ANKRD44: variants seen among roughly 807,000 people sequenced by gnomAD.
ANKRD44 encodes ankyrin repeat domain 44.
ANKRD44 carries 35 observed loss-of-function variants against 116.0 expected under a neutral mutation model. The ratio of observed to expected loss-of-function variants is 0.30; its 90% CI spans 0.23 to 0.40. ANKRD44 has a LOEUF of 0.40. Ranked by LOEUF, ANKRD44 falls within the 10% of genes least tolerant of loss-of-function variation. The pLI is 1.00. For missense variants in ANKRD44, 1,014 were observed against 1,242.6 expected (o/e 0.82, Z 2.77); for synonymous variants, 435 against 461.8 (o/e 0.94, Z 0.74).
At chr2:197,025,325 G>A (rs2076571061) in intron 16 of ANKRD44, 58 bp from the exon 17 acceptor site, 2 of 1,430,392 alleles carry the variant, frequency 1.4e-6, no homozygotes, top group Non-Finnish European at 9.8e-7. Flanking sequence ...AAATGTTGGT[G>A]TAAATGAGAA....
At chr2:197,118,615 A>AAGAGAGAGAGAGAG (rs57255941) in intron 8 of ANKRD44, among the ~76,000 whole-genome samples, 4 of 76,398 alleles carry the variant, frequency 5.2e-5, no homozygotes, top group South Asian at 7.3e-4. Flanking sequence ...GAGAGAAAGA[A>AAGAGAGAGAGAGAG]AGAGAGAGAG....
chr2:197,146,272 G>C (rs563331210), intron 3 of ANKRD44, among the ~76,000 whole-genome samples: 46 of 152,154 alleles, frequency 3.0e-4, no homozygotes, highest in South Asian at 1.9e-3. Flanking sequence ...AGCCTTCCCT[G>C]AAGACATTTT....
chr2:197,007,670 G>GT, intron 20 of ANKRD44, 136 bp downstream of exon 20: 1 of 645,614 alleles, frequency 1.5e-6, no homozygotes, highest in Non-Finnish European at 2.7e-6. Flanking sequence ...TTAATTGGTT[G>GT]TATTAGGAAA....
intron 16 of ANKRD44, among the ~76,000 whole-genome samples, chr2:197,038,947 G>T (rs1407135881): frequency 6.6e-6 from 1 of 150,728 alleles, no homozygotes; most frequent in Non-Finnish European, 1.5e-5. Flanking sequence ...TTCCAAATGT[G>T]AAAAAAAAAT....
intron 16 of ANKRD44, among the ~76,000 whole-genome samples, chr2:197,054,953 A>C (rs1464026096): frequency 6.6e-6 from 1 of 152,178 alleles, no homozygotes. Context: ...ATGCTCTTAC[A>C]CTGGCCTGTA....
chr2:197,076,414 A>G, intron 16 of ANKRD44, among the ~76,000 whole-genome samples: 1 of 152,160 alleles, frequency 6.6e-6, no homozygotes, highest in East Asian at 1.9e-4. Context: ...GACTGTTAAG[A>G]TATTGGGTTC....
rs569975688 is a variant in ANKRD44, at chr2:197,174,892, T to A, written c.111+12131A>T. ...TTACATGGGAAGATCAGGGGAGGTG[T>A]CCCAGATAAGGAGGCATTCATGCAA... On this transcript the variant is annotated intron_variant, in intron 2 of 27. Transcript: ENST00000282272. 9.2e-5 allele frequency among the ~76,000 whole-genome samples: 14 copies of A among 152,232 alleles called. 1 individual carries two copies. Among genetic ancestry groups the A allele is most frequent in the Admixed American group, 8.5e-4 (13 of 15,294 alleles).
At chr2:197,240,895 C>T (rs868719297) in intron 1 of ANKRD44, among the ~76,000 whole-genome samples, 6 of 151,410 alleles carry the variant, frequency 4.0e-5, no homozygotes, top group Non-Finnish European at 8.8e-5. Context: ...AACAACCCAG[C>T]CTATGATCAA....
intron 16 of ANKRD44, among the ~76,000 whole-genome samples, chr2:197,042,306 G>A (rs1202333751): frequency 1.3e-5 from 2 of 152,084 alleles, no homozygotes; most frequent in East Asian, 1.9e-4. Context: ...TTCACTTTCT[G>A]TGAGCTTTTA....
chr2:197,033,796 T>C (rs368965408), intron 16 of ANKRD44, among the ~76,000 whole-genome samples: 20 of 152,246 alleles, frequency 1.3e-4, no homozygotes, highest in African/African-American at 4.8e-4. Flanking sequence ...ACTGGAGATG[T>C]TGACTGGAAT....
At chr2:197,067,445 T>G (rs2077458619) in intron 16 of ANKRD44, among the ~76,000 whole-genome samples, 1 of 151,046 alleles carries the variant, frequency 6.6e-6, no homozygotes, top group African/African-American at 2.4e-5. Context: ...GGGAGAAAAT[T>G]TTCGCAACCT....
chr2:197,305,967 T>TATATATATATATATATATATATATATATA (rs2084057380), intron 1 of ANKRD44, among the ~76,000 whole-genome samples: 10 of 124,718 alleles, frequency 8.0e-5, no homozygotes, highest in African/African-American at 2.9e-4. Flanking sequence ...GCAGTTCGTT[T>TATATATATATATATATATATATATATATA]TATATATATA....
intron 16 of ANKRD44, among the ~76,000 whole-genome samples, chr2:197,042,652 G>A (rs975476749): frequency 4.0e-5 from 6 of 151,890 alleles, no homozygotes; most frequent in Non-Finnish European, 8.8e-5. Context: ...GAAAGCCCAG[G>A]AATAACATAT....
At chr2:197,266,036 A>G (rs1200761513) in intron 1 of ANKRD44, among the ~76,000 whole-genome samples, 1 of 152,140 alleles carries the variant, frequency 6.6e-6, no homozygotes, top group African/African-American at 2.4e-5. Context: ...CTCCAAGCAG[A>G]ACGTCACAAA....
At chr2:197,174,069 C>T (rs1048221319) in intron 2 of ANKRD44, among the ~76,000 whole-genome samples, 3 of 152,054 alleles carry the variant, frequency 2.0e-5, no homozygotes, top group Admixed American at 6.6e-5. Context: ...AAACAACTTA[C>T]AATGGTGTTA....
intron 16 of ANKRD44, among the ~76,000 whole-genome samples, chr2:197,034,327 A>T (rs1400615277): frequency 6.6e-6 from 1 of 152,024 alleles, no homozygotes; most frequent in Non-Finnish European, 1.5e-5. Context: ...TTTATGCCCA[A>T]TATAACAAAA....
At chr2:197,215,308 T>C (rs1205364349) in intron 1 of ANKRD44, among the ~76,000 whole-genome samples, 1 of 152,226 alleles carries the variant, frequency 6.6e-6, no homozygotes, top group Non-Finnish European at 1.5e-5. Context: ...CTGAACAACA[T>C]TAGCCCAATT....
At chr2:197,024,432 G>A (rs553408647) in intron 17 of ANKRD44, among the ~76,000 whole-genome samples, 2 of 152,294 alleles carry the variant, frequency 1.3e-5, no homozygotes, top group South Asian at 4.1e-4. Flanking sequence ...GTTGCTGGGT[G>A]TGGCTGCCAG....
intron 13 of ANKRD44, among the ~76,000 whole-genome samples, chr2:197,085,950 G>C (rs1473715843): frequency 6.6e-6 from 1 of 152,024 alleles, no homozygotes; most frequent in African/African-American, 2.4e-5. Flanking sequence ...ATAGTGTGAG[G>C]TACTCTGCAG....
Sources: allele counts gnomAD v4.1 joint callset (sites outside exome capture counted in the v4.1 genomes callset), GRCh38; gene constraint gnomAD v4.1.1; transcripts MANE v1.5; gene names NCBI Gene and HGNC (gene_info 2026-07-23, HGNC 2026-07-21).